The following CCDC171 variants were observed in gnomAD, a reference collection of about 807,000 sequenced individuals.
CCDC171 encodes coiled-coil domain containing 171.
In CCDC171, 177 loss-of-function variants were observed where a neutral mutation model predicts 168.2. That is an observed-to-expected ratio of 1.05 (90% CI 0.93 to 1.19). CCDC171 has a LOEUF of 1.19. CCDC171 is among the 50% of genes most tolerant of loss of function. The pLI is 0.00. For synonymous variants in CCDC171, 687 were observed against 540.8 expected, an observed-to-expected ratio of 1.27 and a Z score of -3.75; for missense variants, 1,991 against 1,539.0, an observed-to-expected ratio of 1.29 and a Z score of -4.91.
intron 21 of CCDC171, among the ~76,000 whole-genome samples, chr9:15,795,359 T>C (rs956565303): frequency 2.0e-5 from 3 of 152,216 alleles, no homozygotes; most frequent in Admixed American, 1.3e-4. Context: ...GTCTCACCTC[T>C]CAGCACTGTT....
chr9:15,640,048 C>G (rs915940586), intron 7 of CCDC171, among the ~76,000 whole-genome samples: 1 of 152,092 alleles, frequency 6.6e-6, no homozygotes, highest in African/African-American at 2.4e-5. Flanking sequence ...TATAAATGTT[C>G]CATTCTGCTT....
At chr9:15,723,575 C>A in intron 12 of CCDC171, 106 bp from the exon 13 acceptor site, 1 of 714,292 alleles carries the variant, frequency 1.4e-6, no homozygotes, top group East Asian at 2.9e-5. Flanking sequence ...TAAGTAATTG[C>A]ATAAAAAGCA....
chr9:15,566,872 CTT>C (rs1387113563), intron 2 of CCDC171, among the ~76,000 whole-genome samples: 1 of 152,164 alleles, frequency 6.6e-6, no homozygotes, highest in East Asian at 1.9e-4. Context: ...AAATTTGTCT[CTT>C]TGCATGTGCG....
chr9:16,106,690 A>G, the CCDC171 span, among the ~76,000 whole-genome samples: 1 of 152,246 alleles, frequency 6.6e-6, no homozygotes, highest in Non-Finnish European at 1.5e-5. Flanking sequence ...TATTTAATTG[A>G]GAGTCATCTT....
chr9:15,896,408 T>C (rs1051246222), intron 24 of CCDC171, among the ~76,000 whole-genome samples: 1 of 152,098 alleles, frequency 6.6e-6, no homozygotes. Flanking sequence ...CTATTATATT[T>C]ACATCCTTCA....
intron 7 of CCDC171, among the ~76,000 whole-genome samples, chr9:15,626,222 C>T (rs992156749): frequency 9.2e-5 from 14 of 152,152 alleles, no homozygotes; most frequent in East Asian, 3.8e-4. Flanking sequence ...TGGGCTGAGA[C>T]GATGGGGTTT....
chr9:15,578,972 G>T lies in CCDC171; in HGVS notation c.301G>T (p.Ala101Ser), dbSNP rs781460899. ...ARKEAGLGRR[A>S]AEERLAEAHR... is the part of the protein sequence containing the mutation. Reference sequence around the variant, plus strand: ...AAAGGAAGCTGGTCTTGGAAGACGGGCTGCTGAAGAAAGATTAGCCGAGGC... The same window carrying T: ...AAAGGAAGCTGGTCTTGGAAGACGGTCTGCTGAAGAAAGATTAGCCGAGGC... Residue 101 changes from alanine to serine, a missense_variant, in exon 4 of 26, where the codon GCT becomes TCT. Ala to Ser is a moderately conservative substitution (Grantham distance 99, BLOSUM62 1). Coordinates refer to ENST00000380701, the MANE Select transcript of CCDC171 (RefSeq NM_173550.4). The T allele has an allele frequency of 6.2e-7, 1 of 1,613,934 alleles. No individual in the cohort carries two copies. Among genetic ancestry groups the T allele is most frequent in the Non-Finnish European group, 8.5e-7 (1 of 1,179,984 alleles).
chr9:15,620,402 G>A (rs1322712144), intron 6 of CCDC171, among the ~76,000 whole-genome samples: 1 of 152,144 alleles, frequency 6.6e-6, no homozygotes, highest in Non-Finnish European at 1.5e-5. Flanking sequence ...ATAACTTTGG[G>A]GGTGGGGGCA....
chr9:15,937,183 T>A (rs555610183), intron 25 of CCDC171, among the ~76,000 whole-genome samples: 1 of 152,168 alleles, frequency 6.6e-6, no homozygotes, highest in East Asian at 1.9e-4. Context: ...TTCCTGACAG[T>A]TTCATTTGCT....
the CCDC171 span, among the ~76,000 whole-genome samples, chr9:16,088,553 A>C: frequency 6.6e-6 from 1 of 152,212 alleles, no homozygotes; most frequent in African/African-American, 2.4e-5. Context: ...TGCAAAAATC[A>C]CAAGCATTCT....
intron 23 of CCDC171, among the ~76,000 whole-genome samples, chr9:15,862,722 T>C (rs1439880312): frequency 1.3e-5 from 2 of 152,118 alleles, no homozygotes; most frequent in Non-Finnish European, 2.9e-5. Flanking sequence ...CCAGAGCTTC[T>C]ATGGGGCTCT....
At chr9:15,567,659 T>A (rs920435174) in intron 2 of CCDC171, among the ~76,000 whole-genome samples, 1 of 152,024 alleles carries the variant, frequency 6.6e-6, no homozygotes, top group East Asian at 1.9e-4. Context: ...AATCTTTCAC[T>A]ATTTTTTTTT....
chr9:15,879,246 A>T (rs1315171556), intron 24 of CCDC171, among the ~76,000 whole-genome samples: 2 of 152,182 alleles, frequency 1.3e-5, no homozygotes, highest in Non-Finnish European at 2.9e-5. Context: ...ATTTATATTT[A>T]ATACACCTAT....
chr9:15,875,193 C>T (rs1311155020), intron 24 of CCDC171: 2 of 151,724 alleles, frequency 1.3e-5, no homozygotes, highest in Non-Finnish European at 2.9e-5. Context: ...AGTATTTTAC[C>T]CTTTAATATT....
chr9:15,874,632 T>A lies in CCDC171; in HGVS notation c.3569T>A (p.Leu1190His), dbSNP rs748897295. ...LHLETFAMEG[L>H]KGGPEVVACQ... ...CTGGAGACCTTTGCAATGGAGGGGC[T>A]CAAGGGCGGGCCAGAGGTGGTAGCA... Residue 1190 changes from leucine (L) to histidine (H), a missense_variant, in exon 24 of 26, where the codon CTC becomes CAC. Transcript: ENST00000380701. 2.5e-6 allele frequency: 4 copies of A among 1,601,968 alleles called. No homozygotes were observed. The highest frequency in any genetic ancestry group is 3.4e-6 in the Non-Finnish European group (4 of 1,174,070).
chr9:15,657,799 T>A (rs2048051034), intron 8 of CCDC171, among the ~76,000 whole-genome samples: 1 of 152,302 alleles, frequency 6.6e-6, no homozygotes, highest in South Asian at 2.1e-4. Flanking sequence ...GGATTAAATC[T>A]GGGAGGGGAA....
chr9:16,068,748 T>G, the CCDC171 span, among the ~76,000 whole-genome samples: 3 of 152,172 alleles, frequency 2.0e-5, no homozygotes, highest in African/African-American at 7.2e-5. Context: ...AACAGAAACC[T>G]GGGGTCATAC....
At chr9:15,885,629 T>C (rs1268254827) in intron 24 of CCDC171, 1 of 152,206 alleles carries the variant, frequency 6.6e-6, no homozygotes, top group African/African-American at 2.4e-5. Context: ...ATTGATTTCA[T>C]TTGCTGTCAG....
the CCDC171 span, among the ~76,000 whole-genome samples, chr9:16,071,333 T>G: frequency 9.2e-5 from 14 of 152,268 alleles, no homozygotes; most frequent in Non-Finnish European, 1.9e-4. Context: ...TCAGCACACC[T>G]TGTTGTCTCT....
Sources: gnomAD v4.1 joint callset for allele counts (sites outside exome capture counted in the v4.1 genomes callset) on GRCh38, gnomAD v4.1.1 for gene constraint, MANE v1.5 for transcripts, NCBI Gene and HGNC (gene_info 2026-07-23, HGNC 2026-07-21) for gene names.